Variants in TM9SF4 observed in about 807,000 individuals in gnomAD.
The protein encoded by TM9SF4 is dinucleotide oxidase disulfide thiol exchanger 3 superfamily member 4.
TM9SF4 carries 26 observed loss-of-function variants against 90.4 expected under a neutral mutation model. The observed-to-expected ratio is 0.29, with a 90% CI of 0.21 to 0.40. The LOEUF is 0.40. Among genes scored for constraint, TM9SF4 ranks in the 10% least tolerant of loss-of-function variants. The probability of loss-of-function intolerance (pLI) is 1.00; values close to 1 mark genes in which losing one functional copy is unlikely to be tolerated. For synonymous variants in TM9SF4, 293 were observed against 315.4 expected, an observed-to-expected ratio of 0.93 and a Z score of 0.75; for missense variants, 549 against 834.8, an observed-to-expected ratio of 0.66 and a Z score of 4.22.
chr20:32,115,687 C>A (rs936616636), intron 1 of TM9SF4, among the ~76,000 whole-genome samples: 5 of 151,410 alleles, frequency 3.3e-5, no homozygotes, highest in African/African-American at 1.2e-4. Flanking sequence ...ACTGTGATTA[C>A]TTTTGTGACT....
At chr20:32,140,590 C>G (rs1237003536) in intron 3 of TM9SF4, among the ~76,000 whole-genome samples, 1 of 152,208 alleles carries the variant, frequency 6.6e-6, no homozygotes, top group East Asian at 1.9e-4. Flanking sequence ...GTGCCTGCTA[C>G]TTTATTGGAT....
At chr20:32,122,644 A>AC (rs2046341915) in intron 1 of TM9SF4, among the ~76,000 whole-genome samples, 1 of 149,398 alleles carries the variant, frequency 6.7e-6, no homozygotes, top group Non-Finnish European at 1.5e-5. Context: ...CACTTCCCAG[A>AC]TGGGATGGCG....
intron 1 of TM9SF4, among the ~76,000 whole-genome samples, chr20:32,123,866 A>ATATATATATATATATATATATTT: frequency 2.1e-5 from 2 of 93,960 alleles, no homozygotes; most frequent in African/African-American, 9.1e-5. Context: ...ATATATATAT[A>ATATATATATATATATATATATTT]TTTTTTTTTT....
intron 13 of TM9SF4, 145 bp from the exon 14 acceptor site, chr20:32,157,649 G>A: frequency 1.9e-6 from 2 of 1,062,230 alleles, no homozygotes; most frequent in Non-Finnish European, 2.7e-6. Context: ...TTCTGGCCAG[G>A]AGCCCTGTGG....
In TM9SF4 at chr20:32,165,688, TA is replaced by T; in HGVS notation, c.*246del. The stretch of plus-strand genomic sequence containing the variant: ...TTGTGGGTTGCTTTTTCTTCAGTGC[TA>T]AGAAAGTTCCCTCCAACAGGAACTC... On this transcript the variant is annotated 3_prime_UTR_variant, in exon 18 of 18. Transcript: ENST00000398022. 1 of 503,618 alleles carries T rather than the reference TA, an allele frequency of 2.0e-6. No individual in the cohort carries two copies. Among genetic ancestry groups the T allele is most frequent in the Non-Finnish European group, 3.6e-6 (1 of 278,998 alleles). 31.2% of individuals were successfully genotyped at this position (503,618 alleles called of 1,614,324 possible).
At chr20:32,153,387 A>C (rs2046870705) in intron 12 of TM9SF4, among the ~76,000 whole-genome samples, 1 of 152,208 alleles carries the variant, frequency 6.6e-6, no homozygotes, top group Non-Finnish European at 1.5e-5. Flanking sequence ...GGCCTTCGTC[A>C]TTGTGGTTAG....
chr20:32,160,211 G>C lies in TM9SF4; in HGVS notation c.1689+100G>C, dbSNP rs2046994926. The C allele has an allele frequency of 1.9e-6, 3 of 1,539,840 alleles. No individual in the cohort carries two copies. The South Asian group carries it at 3.6e-5, about 18-fold the overall frequency. On this transcript the variant is annotated intron_variant, in intron 16 of 17. Transcript: ENST00000398022. ...GAGAGGCTGGGTCTGGGCTCTTCATGTGGCCCCTGCTTCTGGCTCTGAGCT... is the reference window on the plus strand; with the variant it reads ...GAGAGGCTGGGTCTGGGCTCTTCATCTGGCCCCTGCTTCTGGCTCTGAGCT...
rs912761779 is a variant in TM9SF4, at chr20:32,129,677, C to T, written c.16-3336C>T. On this transcript the variant is annotated intron_variant, in intron 1 of 17. Transcript: ENST00000398022. ...ACAGCTCACTGCAACTTCCGCCTCC[C>T]GGGTTCAAGCAATTCTCCTGCCTCT... is the stretch of plus-strand genomic sequence containing the variant. 5.3e-5 allele frequency among the ~76,000 whole-genome samples: 8 copies of T among 151,470 alleles called. No homozygotes were observed. The South Asian group carries it at 6.3e-4, about 12-fold the overall frequency.
intron 15 of TM9SF4, chr20:32,159,249 A>G (rs918677736): frequency 3.3e-5 from 5 of 152,312 alleles, no homozygotes; most frequent in African/African-American, 9.7e-5. Flanking sequence ...AAAATGCTTG[A>G]CTTCAGGAAA....
rs547168108 is a variant in TM9SF4, at chr20:32,160,758, G to C, written c.1690-518G>C. Among the ~76,000 whole-genome samples the C allele has an allele frequency of 5.7e-4, 87 of 152,024 alleles. 1 individual carries two copies. Among genetic ancestry groups the C allele is most frequent in the Non-Finnish European group, 1.0e-3 (71 of 67,966 alleles). On this transcript the variant is annotated intron_variant, in intron 16 of 17. Coordinates refer to ENST00000398022, the MANE Select transcript of TM9SF4 (RefSeq NM_014742.4). ...AAGGTCAGAAGATCGAGACCATCCT[G>C]GCTAACATGGTGAAACCCCATCGCT...
chr20:32,121,787 A>T (rs964193453), intron 1 of TM9SF4, among the ~76,000 whole-genome samples: 4 of 150,658 alleles, frequency 2.7e-5, no homozygotes, highest in African/African-American at 9.8e-5. Flanking sequence ...GGCCGGGCAG[A>T]GGCGCCCCTC....
Position 32,165,280 on chromosome 20 carries a change from T to C in TM9SF4, c.1780-15T>C. 1.9e-6 allele frequency: 3 copies of C among 1,614,052 alleles called. No homozygotes were observed. Among genetic ancestry groups the C allele is most frequent in the South Asian group, 2.2e-5 (2 of 91,076 alleles). ...CTAAGCATGCACCCTGTCTTCTTTC[T>C]GCTCGTGGCCGCAGCTGGACATCGT... On this transcript the variant is annotated splice_polypyrimidine_tract_variant and intron_variant, in intron 17 of 17. Coordinates refer to ENST00000398022, the MANE Select transcript of TM9SF4 (RefSeq NM_014742.4).
At chr20:32,148,966 A>T (rs2046803067) in intron 9 of TM9SF4, among the ~76,000 whole-genome samples, 1 of 152,204 alleles carries the variant, frequency 6.6e-6, no homozygotes, top group Admixed American at 6.5e-5. Flanking sequence ...CACCGCGCCC[A>T]GCCAGAAATA....
At chr20:32,133,384 A>G (rs145881255) in intron 2 of TM9SF4, among the ~76,000 whole-genome samples, 4 of 151,830 alleles carry the variant, frequency 2.6e-5, no homozygotes, top group African/African-American at 9.7e-5. Flanking sequence ...TTTTGCTTTC[A>G]AGTATTCTGT....
In TM9SF4 at chr20:32,122,739, A is replaced by G. The variant is rs867837764; in HGVS notation, c.16-10274A>G. Among the ~76,000 whole-genome samples the G allele has an allele frequency of 8.3e-5, 12 of 145,054 alleles. No homozygotes were observed. In the Middle Eastern group the frequency reaches 0.013, roughly 155 times the overall value. ...ATCCCAGACGATGGGTGGCCAGGCA[A>G]AGATGCTCCTCACTTCCCAGACGGG... On this transcript the variant is annotated intron_variant, in intron 1 of 17. Transcript: ENST00000398022.
intron 1 of TM9SF4, among the ~76,000 whole-genome samples, chr20:32,122,473 C>A (rs1600785748): frequency 6.6e-6 from 1 of 151,534 alleles, no homozygotes; most frequent in Non-Finnish European, 1.5e-5. Flanking sequence ...GGCGGAGGGT[C>A]TCCTCACTTC....
At chr20:32,121,209 C>CTTTTTTTTTTTTTTT (rs200664375) in intron 1 of TM9SF4, among the ~76,000 whole-genome samples, 1 of 138,274 alleles carries the variant, frequency 7.2e-6, no homozygotes. Flanking sequence ...TTTTATTTTT[C>CTTTTTTTTTTTTTTT]TTTTTTTTTT....
At chr20:32,131,325 G>T (rs563283418) in intron 1 of TM9SF4, among the ~76,000 whole-genome samples, 1 of 152,212 alleles carries the variant, frequency 6.6e-6, no homozygotes, top group Admixed American at 6.5e-5. Flanking sequence ...TGCAAAAAGT[G>T]TACTGAATTC....
chr20:32,161,100 G>C (rs567784646), intron 16 of TM9SF4, 176 bp from the exon 17 acceptor site: 405 of 583,372 alleles, frequency 6.9e-4, no homozygotes, highest in Middle Eastern at 9.2e-4. Context: ...CAGTTCTGTG[G>C]TTTTTAGAAA....
Sources: gnomAD v4.1 joint callset for allele counts (sites outside exome capture counted in the v4.1 genomes callset) on GRCh38, gnomAD v4.1.1 for gene constraint, MANE v1.5 for transcripts, NCBI Gene and HGNC (gene_info 2026-07-23, HGNC 2026-07-21) for gene names.